Variants in IPMK observed in about 807,000 individuals in gnomAD.
IPMK encodes inositol 1,3,4,6-tetrakisphosphate 5-kinase.
A neutral mutation model predicts 45.8 loss-of-function variants in IPMK; 17 were observed. The ratio of observed to expected loss-of-function variants is 0.37; its 90% CI spans 0.25 to 0.56. The LOEUF is 0.56. Ranked by LOEUF, IPMK falls within the 20% of genes least tolerant of loss-of-function variation. The pLI, the probability that IPMK is intolerant of heterozygous loss-of-function variation, is 0.79. For synonymous variants in IPMK, 180 were observed against 184.3 expected (o/e 0.98, Z 0.19); for missense variants, 399 against 498.0 (o/e 0.80, Z 1.89).
intron 5 of IPMK, among the ~76,000 whole-genome samples, chr10:58,197,682 AAAG>A (rs1837926783): frequency 6.6e-6 from 1 of 151,212 alleles, no homozygotes; most frequent in South Asian, 2.1e-4. Context: ...AAAAAAAAAA[AAAG>A]AAATAGGATT....
At chr10:58,202,165 T>C (rs1838007381) in intron 4 of IPMK, among the ~76,000 whole-genome samples, 1 of 152,158 alleles carries the variant, frequency 6.6e-6, no homozygotes, top group Non-Finnish European at 1.5e-5. Flanking sequence ...AGATAACTGA[T>C]GAAGGTATCT....
intron 4 of IPMK, among the ~76,000 whole-genome samples, chr10:58,210,853 C>T (rs975599336): frequency 1.1e-4 from 17 of 152,126 alleles, no homozygotes; most frequent in African/African-American, 3.6e-4. Context: ...TCTGTGAATT[C>T]GTTTGGTTTT....
chr10:58,267,275 C>A, intron 1 of IPMK, 147 bp downstream of exon 1: 1 of 743,684 alleles, frequency 1.3e-6, no homozygotes. Context: ...AGTGGCGAGG[C>A]TTCGGGGGAC....
Position 58,267,301 on chromosome 10 carries a change from G to A in IPMK, c.190+121C>T, listed in dbSNP as rs1839162097. On this transcript the variant is annotated intron_variant, in intron 1 of 5. Coordinates refer to ENST00000373935, the MANE Select transcript of IPMK (RefSeq NM_152230.5). The stretch of plus-strand genomic sequence containing the variant: ...TTCGGGGGACAGCGGAAGAGGCCAG[G>A]GATTTGGCGTGCACACCAGGGGGGC... 3 of 913,282 alleles carry A rather than the reference G, an allele frequency of 3.3e-6. No homozygotes were observed. In the South Asian group the frequency reaches 4.4e-5, roughly 13 times the overall value. The allele number at this position is 913,282 out of a possible 1,614,324, so 56.6% of individuals were successfully genotyped here. A position where few individuals can be genotyped will look rare whatever the true frequency, so the allele number is the denominator to read the frequency against.
intron 3 of IPMK, among the ~76,000 whole-genome samples, chr10:58,221,317 C>G (rs369791570): frequency 2.6e-5 from 4 of 152,090 alleles, no homozygotes; most frequent in African/African-American, 9.6e-5. Flanking sequence ...TCTGAGACTA[C>G]TATTTCATCC....
rs987733641 is a variant in IPMK, at chr10:58,191,697, A to AT, written c.*4378dup. 9.3e-5 allele frequency: 12 copies of AT among 129,192 alleles called. No homozygotes were observed. Among genetic ancestry groups the AT allele is most frequent in the African/African-American group, 4.3e-4 (11 of 25,852 alleles). 8.0% of individuals were successfully genotyped at this position (129,192 alleles called of 1,614,324 possible). A position where few individuals can be genotyped will look rare whatever the true frequency, so the allele number is the denominator to read the frequency against. ...CCACAATAGTACAAATTACAAACACATTTAAAAAAAAACCCTAAAGACATT... is the reference window on the plus strand; with the variant it reads ...CCACAATAGTACAAATTACAAACACATTTTAAAAAAAAACCCTAAAGACATT... On this transcript the variant is annotated 3_prime_UTR_variant, in exon 6 of 6. Transcript: ENST00000373935.
chr10:58,238,231 A>G (rs1838644132), intron 1 of IPMK, among the ~76,000 whole-genome samples: 1 of 152,234 alleles, frequency 6.6e-6, no homozygotes, highest in Non-Finnish European at 1.5e-5. Context: ...GTGGCCATAT[A>G]TGAATTTCCT....
intron 1 of IPMK, among the ~76,000 whole-genome samples, chr10:58,238,837 G>GTTT (rs143503851): frequency 6.7e-6 from 1 of 148,902 alleles, no homozygotes; most frequent in Non-Finnish European, 1.5e-5. Flanking sequence ...CAGAAATCAA[G>GTTT]TTTGTTTTTT....
intron 3 of IPMK, among the ~76,000 whole-genome samples, chr10:58,218,949 C>T (rs1191438333): frequency 6.6e-6 from 1 of 152,158 alleles, no homozygotes; most frequent in Non-Finnish European, 1.5e-5. Context: ...TAGACTTGGC[C>T]TTCCTCACAC....
intron 4 of IPMK, among the ~76,000 whole-genome samples, chr10:58,199,647 C>T (rs138930025): frequency 1.3e-5 from 2 of 152,018 alleles, no homozygotes; most frequent in South Asian, 4.2e-4. Context: ...ATACAAGAAG[C>T]CTTCACAAAA....
Position 58,247,927 on chromosome 10 carries a change from C to G in IPMK, c.191-10113G>C, listed in dbSNP as rs1588969733. On this transcript the variant is annotated intron_variant, in intron 1 of 5. Coordinates refer to ENST00000373935, the MANE Select transcript of IPMK (RefSeq NM_152230.5). ...TTTGGAAGTAAAGCCCTCTAATTAGCTAGTGGATATCCACAGCTTGCTCCA... is the reference window on the plus strand; with the variant it reads ...TTTGGAAGTAAAGCCCTCTAATTAGGTAGTGGATATCCACAGCTTGCTCCA... Among the ~76,000 whole-genome samples the G allele has an allele frequency of 3.3e-5, 5 of 152,276 alleles. No individual in the cohort carries two copies. In the East Asian group the frequency reaches 9.7e-4, roughly 29 times the overall value.
intron 4 of IPMK, among the ~76,000 whole-genome samples, chr10:58,206,587 T>G (rs1012865948): frequency 1.3e-5 from 2 of 152,206 alleles, no homozygotes; most frequent in Non-Finnish European, 2.9e-5. Flanking sequence ...ATCCTGTCCA[T>G]GTACCCTAAA....
At chr10:58,230,309 G>C (rs962978998) in intron 2 of IPMK, among the ~76,000 whole-genome samples, 1 of 152,154 alleles carries the variant, frequency 6.6e-6, no homozygotes, top group Admixed American at 6.5e-5. Flanking sequence ...TGGTTCTCCC[G>C]GCATGGTGTT....
At chr10:58,250,997 T>G (rs1420205625) in intron 1 of IPMK, among the ~76,000 whole-genome samples, 11 of 152,192 alleles carry the variant, frequency 7.2e-5, no homozygotes, top group Admixed American at 7.2e-4. Flanking sequence ...CCATAGTATG[T>G]CAAACCATCC....
chr10:58,215,635 CCTGAG>C (rs1470145819), intron 4 of IPMK, among the ~76,000 whole-genome samples: 1 of 152,090 alleles, frequency 6.6e-6, no homozygotes, highest in African/African-American at 2.4e-5. Context: ...GTCTCAAACT[CCTGAG>C]CTCAAGCAAT....
At chr10:58,240,369 TA>T (rs1384445825) in intron 1 of IPMK, among the ~76,000 whole-genome samples, 1 of 127,166 alleles carries the variant, frequency 7.9e-6, no homozygotes, top group Non-Finnish European at 1.6e-5. Context: ...GAAAAGTATC[TA>T]AAAAGAAAAA....
At chr10:58,214,119 G>A (rs1838209457) in intron 4 of IPMK, among the ~76,000 whole-genome samples, 1 of 152,170 alleles carries the variant, frequency 6.6e-6, no homozygotes, top group Admixed American at 6.5e-5. Context: ...AATGATAAAA[G>A]CCAGTAAAGA....
chr10:58,253,499 C>A (rs571173742), intron 1 of IPMK, among the ~76,000 whole-genome samples: 1 of 152,026 alleles, frequency 6.6e-6, no homozygotes, highest in African/African-American at 2.4e-5. Flanking sequence ...GAGGACGAAG[C>A]AGGCAGACTG....
At chr10:58,209,392 G>C (rs1250627901) in intron 4 of IPMK, among the ~76,000 whole-genome samples, 1 of 152,340 alleles carries the variant, frequency 6.6e-6, no homozygotes, top group African/African-American at 2.4e-5. Context: ...CCAGTGAAAA[G>C]ATCTGGAACT....
Sources: gnomAD v4.1 joint callset for allele counts (sites outside exome capture counted in the v4.1 genomes callset) on GRCh38, gnomAD v4.1.1 for gene constraint, MANE v1.5 for transcripts, NCBI Gene and HGNC (gene_info 2026-07-23, HGNC 2026-07-21) for gene names.